SDC2: variants seen among roughly 807,000 people sequenced by gnomAD.
The protein encoded by SDC2 is syndecan-2.
SDC2 carries 13 observed loss-of-function variants against 22.2 expected under a neutral mutation model. The ratio of observed to expected loss-of-function variants is 0.59; its 90% CI spans 0.38 to 0.93. SDC2 has a LOEUF of 0.93. SDC2 is among the 40% of genes least tolerant of loss of function. The pLI is 0.00. For synonymous variants in SDC2, 94 were observed against 92.8 expected (o/e 1.01, Z -0.07); for missense variants, 235 against 246.8 (o/e 0.95, Z 0.32).
At chr8:96,564,873 T>A (rs1178165533) in intron 1 of SDC2, among the ~76,000 whole-genome samples, 2 of 152,092 alleles carry the variant, frequency 1.3e-5, no homozygotes, top group Non-Finnish European at 2.9e-5. Context: ...TTGTTTAGAA[T>A]ACCAGCTTTT....
At chr8:96,549,636 A>G (rs1813994523) in intron 1 of SDC2, among the ~76,000 whole-genome samples, 3 of 152,186 alleles carry the variant, frequency 2.0e-5, no homozygotes, top group Non-Finnish European at 4.4e-5. Context: ...CTATGTTTTC[A>G]TGGTACCTTG....
At chr8:96,536,807 C>A (rs1813761796) in intron 1 of SDC2, among the ~76,000 whole-genome samples, 1 of 152,142 alleles carries the variant, frequency 6.6e-6, no homozygotes, top group African/African-American at 2.4e-5. Context: ...CTAGGAGCTT[C>A]CTTAGGGTTG....
chr8:96,607,428 A>G lies in SDC2; in HGVS notation c.307-907A>G, dbSNP rs572202948. On this transcript the variant is annotated intron_variant, in intron 3 of 4. Transcript: ENST00000302190. ...GACAGTGCTGTGACATGGAAAACAT[A>G]TGATAGAAAATGTGCCGTAATAGAT... 3.0e-4 allele frequency among the ~76,000 whole-genome samples: 46 copies of G among 152,338 alleles called. No homozygotes were observed. In the South Asian group the frequency reaches 9.3e-3, roughly 31 times the overall value.
chr8:96,520,974 TGTAGAATTTTGGAA>T (rs1813488896), intron 1 of SDC2, among the ~76,000 whole-genome samples: 2 of 152,104 alleles, frequency 1.3e-5, no homozygotes, highest in Non-Finnish European at 2.9e-5. Context: ...GGAAACGGAT[TGTAGAATTTTGGAA>T]CTGCAAGTGC....
At chr8:96,542,969 A>G (rs1813876073) in intron 1 of SDC2, among the ~76,000 whole-genome samples, 1 of 152,180 alleles carries the variant, frequency 6.6e-6, no homozygotes, top group African/African-American at 2.4e-5. Flanking sequence ...ATACAGGGGA[A>G]GGTGGGGAGA....
chr8:96,564,920 A>G (rs555562158), intron 1 of SDC2, among the ~76,000 whole-genome samples: 4 of 152,000 alleles, frequency 2.6e-5, no homozygotes, highest in African/African-American at 9.6e-5. Flanking sequence ...ATCTCTGTAC[A>G]TTCTTCACTT....
chr8:96,583,370 A>G (rs1347769893), intron 1 of SDC2, among the ~76,000 whole-genome samples: 1 of 128,732 alleles, frequency 7.8e-6, no homozygotes, highest in Non-Finnish European at 1.6e-5. Flanking sequence ...ATTATATATC[A>G]TATATAAAAT....
chr8:96,552,124 T>C (rs1186160186), intron 1 of SDC2, among the ~76,000 whole-genome samples: 1 of 152,222 alleles, frequency 6.6e-6, no homozygotes, highest in Non-Finnish European at 1.5e-5. Context: ...TGCTCTTTTC[T>C]CACGAGGCTT....
intron 1 of SDC2, among the ~76,000 whole-genome samples, chr8:96,559,973 T>C (rs537605313): frequency 1.3e-5 from 2 of 152,256 alleles, no homozygotes; most frequent in Non-Finnish European, 2.9e-5. Context: ...ACTGATTTTT[T>C]AATAGCTGTA....
chr8:96,599,502 C>T (rs188970749), intron 2 of SDC2, among the ~76,000 whole-genome samples: 2 of 151,616 alleles, frequency 1.3e-5, no homozygotes, highest in East Asian at 3.9e-4. Flanking sequence ...CCTGATAAAA[C>T]AGCATTATAT....
intron 1 of SDC2, among the ~76,000 whole-genome samples, chr8:96,535,200 G>T (rs192182249): frequency 3.3e-5 from 5 of 152,140 alleles, no homozygotes; most frequent in Admixed American, 3.3e-4. Flanking sequence ...GTAGAGATGG[G>T]GTTTCACCAT....
intron 1 of SDC2, among the ~76,000 whole-genome samples, chr8:96,531,035 GTCCAGCTCCCCTGAGGGCTGATGGGCA>G (rs1316491445): frequency 1.1e-4 from 16 of 152,208 alleles, no homozygotes; most frequent in Admixed American, 6.5e-5. Flanking sequence ...CCTAGGCTGT[GTCCAGCTCCCCTGAGGGCTGATGGGCA>G]TCAGAACCTT....
rs1586311509 is a variant in SDC2 at position 96,579,414 on chromosome 8, G to C, written c.61-14066G>C. 2.0e-5 allele frequency among the ~76,000 whole-genome samples: 3 copies of C among 152,308 alleles called. 1 individual carries two copies. The highest frequency in any genetic ancestry group is 2.0e-4 in the Admixed American group (3 of 15,300). On this transcript the variant is annotated intron_variant, in intron 1 of 4. Coordinates refer to ENST00000302190, the MANE Select transcript of SDC2 (RefSeq NM_002998.4). ...CCTTTTGAAATGCTTGAGTTTCTAA[G>C]AGGCCTAGCGTGAAAAGGCAAACTT...
chr8:96,562,421 C>T (rs1004201512), intron 1 of SDC2, among the ~76,000 whole-genome samples: 3 of 152,144 alleles, frequency 2.0e-5, no homozygotes, highest in African/African-American at 4.8e-5. Context: ...TTTCTGAAGG[C>T]CACAGTCAGC....
chr8:96,527,174 T>C (rs1177181153), intron 1 of SDC2, among the ~76,000 whole-genome samples: 1 of 152,174 alleles, frequency 6.6e-6, no homozygotes, highest in Admixed American at 6.5e-5. Flanking sequence ...TTCTGCCTAT[T>C]GACGTGGTGG....
chr8:96,530,921 C>G (rs970290063), intron 1 of SDC2, among the ~76,000 whole-genome samples: 2 of 152,148 alleles, frequency 1.3e-5, no homozygotes, highest in African/African-American at 4.8e-5. Context: ...TCCAGTGTTT[C>G]CCAACCATTT....
intron 1 of SDC2, among the ~76,000 whole-genome samples, chr8:96,555,938 C>T (rs182102655): frequency 3.3e-5 from 5 of 152,132 alleles, no homozygotes; most frequent in Non-Finnish European, 7.4e-5. Context: ...CCAGCCTGAG[C>T]TATAGTACCT....
rs530399774 is a variant in SDC2, at chr8:96,604,550, A to G, written c.306+2022A>G. Among the ~76,000 whole-genome samples, 3 of 152,330 alleles carry G rather than the reference A, an allele frequency of 2.0e-5. No homozygotes were observed. In the East Asian group the frequency reaches 5.8e-4, roughly 29 times the overall value. The stretch of plus-strand genomic sequence containing the variant: ...TTTTTCATTTTGCTGTTTATGTGGT[A>G]CAGCCGAATTGAACATTGCCTCTAG... On this transcript the variant is annotated intron_variant, in intron 3 of 4. Transcript: ENST00000302190.
At chr8:96,504,180 T>G (rs1249013599) in intron 1 of SDC2, among the ~76,000 whole-genome samples, 1 of 152,248 alleles carries the variant, frequency 6.6e-6, no homozygotes, top group East Asian at 1.9e-4. Context: ...AGGCATATTA[T>G]ATTTGGCTAG....
Sources: gnomAD v4.1 joint callset for allele counts (sites outside exome capture counted in the v4.1 genomes callset) on GRCh38, gnomAD v4.1.1 for gene constraint, MANE v1.5 for transcripts, NCBI Gene and HGNC (gene_info 2026-07-23, HGNC 2026-07-21) for gene names.